Variants in RERE observed in about 807,000 individuals in gnomAD.
RERE encodes arginine-glutamic acid dipeptide repeats.
RERE carries 40 observed loss-of-function variants against 146.1 expected under a neutral mutation model. The ratio of observed to expected loss-of-function variants is 0.27; its 90% CI spans 0.21 to 0.36. The LOEUF (loss-of-function observed/expected upper bound fraction) is 0.36. Ranked by LOEUF, RERE falls within the 10% of genes least tolerant of loss-of-function variation. The pLI is 1.00. For synonymous variants in RERE, 1,003 were observed against 866.0 expected (o/e 1.16, Z -2.78); for missense variants, 1,933 against 2,138.7 (o/e 0.90, Z 1.90).
At chr1:8,671,949 G>C (rs949101998) in intron 1 of RERE, among the ~76,000 whole-genome samples, 22 of 152,078 alleles carry the variant, frequency 1.4e-4, no homozygotes, top group African/African-American at 5.3e-4. Flanking sequence ...ACATCTGTAA[G>C]AGAAAGGGGA....
intron 4 of RERE, among the ~76,000 whole-genome samples, chr1:8,580,649 G>A (rs1243629099): frequency 6.6e-6 from 1 of 152,128 alleles, no homozygotes; most frequent in African/African-American, 2.4e-5. Context: ...ACTCCAGAAA[G>A]TTCTCTCAAG....
chr1:8,648,606 C>A (rs1042744645), intron 2 of RERE, among the ~76,000 whole-genome samples: 1 of 152,162 alleles, frequency 6.6e-6, no homozygotes, highest in Non-Finnish European at 1.5e-5. Context: ...CCTCAGGTTT[C>A]ATTTTGCCTA....
At chr1:8,484,804 T>G (rs1304340807) in intron 10 of RERE, among the ~76,000 whole-genome samples, 1 of 152,232 alleles carries the variant, frequency 6.6e-6, no homozygotes, top group Non-Finnish European at 1.5e-5. Flanking sequence ...CAAAAAGGAA[T>G]ACGCCCAATG....
intron 10 of RERE, among the ~76,000 whole-genome samples, chr1:8,486,239 C>A (rs1223322964): frequency 6.6e-6 from 1 of 152,098 alleles, no homozygotes; most frequent in Non-Finnish European, 1.5e-5. Context: ...CTACAGAGAG[C>A]AAGTTGATGG....
chr1:8,766,546 CAAAAAA>C (rs60530407), intron 1 of RERE, among the ~76,000 whole-genome samples: 1 of 66,022 alleles, frequency 1.5e-5, no homozygotes, highest in Non-Finnish European at 3.3e-5. Context: ...GACTCCATTG[CAAAAAA>C]AAAAAAAAAA....
chr1:8,436,256 T>C (rs1454482850), intron 11 of RERE, among the ~76,000 whole-genome samples: 1 of 152,018 alleles, frequency 6.6e-6, no homozygotes, highest in Non-Finnish European at 1.5e-5. Flanking sequence ...GAGACAGAGG[T>C]TGCAATGAGC....
intron 1 of RERE, among the ~76,000 whole-genome samples, chr1:8,662,856 T>A (rs997937032): frequency 6.6e-6 from 1 of 152,174 alleles, no homozygotes; most frequent in Non-Finnish European, 1.5e-5. Context: ...CCTGTCTGAG[T>A]CGCAGTTTCA....
intron 2 of RERE, among the ~76,000 whole-genome samples, chr1:8,644,030 T>G (rs914789590): frequency 7.9e-5 from 12 of 152,164 alleles, no homozygotes; most frequent in Non-Finnish European, 1.0e-4. Context: ...ACTGTTCTAT[T>G]TACTTACCTA....
intron 1 of RERE, among the ~76,000 whole-genome samples, chr1:8,792,200 G>C (rs1569807748): frequency 6.6e-6 from 1 of 152,134 alleles, no homozygotes; most frequent in African/African-American, 2.4e-5. Flanking sequence ...GTTTATAATT[G>C]AAAGAGTATC....
chr1:8,719,568 G>A (rs560413528), intron 1 of RERE, among the ~76,000 whole-genome samples: 2 of 152,142 alleles, frequency 1.3e-5, no homozygotes, highest in East Asian at 3.9e-4. Flanking sequence ...TAAACATAGA[G>A]GAACAAATGA....
intron 1 of RERE, chr1:8,750,360 T>A: frequency 1.6e-6 from 1 of 630,808 alleles, no homozygotes; most frequent in Non-Finnish European, 2.8e-6. Flanking sequence ...TTCTGCCTCA[T>A]TCAACATCTG....
At chr1:8,454,737 G>A (rs1032457658) in intron 11 of RERE, among the ~76,000 whole-genome samples, 44 of 151,918 alleles carry the variant, frequency 2.9e-4, no homozygotes, top group Admixed American at 4.6e-4. Flanking sequence ...CCTGGGAGGT[G>A]GAGGTTGCAG....
intron 11 of RERE, among the ~76,000 whole-genome samples, chr1:8,448,102 A>T (rs1644344866): frequency 6.6e-6 from 1 of 152,178 alleles, no homozygotes; most frequent in Non-Finnish European, 1.5e-5. Flanking sequence ...CACTGCCATT[A>T]GAACATCATC....
chr1:8,761,434 C>T (rs1242322298), intron 1 of RERE, among the ~76,000 whole-genome samples: 4 of 152,166 alleles, frequency 2.6e-5, no homozygotes, highest in Non-Finnish European at 5.9e-5. Flanking sequence ...CATCTTCTTC[C>T]TCAAATCAGT....
chr1:8,677,423 C>CT (rs1187179746), intron 1 of RERE, among the ~76,000 whole-genome samples: 1 of 62,268 alleles, frequency 1.6e-5, no homozygotes, highest in African/African-American at 8.1e-5. Flanking sequence ...GAGTCTCCGT[C>CT]TCAAAAAAAA....
At chr1:8,587,983 G>A (rs961867814) in intron 4 of RERE, among the ~76,000 whole-genome samples, 3 of 152,134 alleles carry the variant, frequency 2.0e-5, no homozygotes, top group Admixed American at 1.3e-4. Flanking sequence ...AACACTCTGC[G>A]TGCAGATGCC....
At chr1:8,419,677 T>C (rs1643867900) in intron 12 of RERE, among the ~76,000 whole-genome samples, 1 of 152,196 alleles carries the variant, frequency 6.6e-6, no homozygotes, top group Admixed American at 6.5e-5. Context: ...ATGCACTCTT[T>C]ACAAACATTA....
At chr1:8,657,848 A>G (rs2124338189) in intron 1 of RERE, among the ~76,000 whole-genome samples, 1 of 152,350 alleles carries the variant, frequency 6.6e-6, no homozygotes, top group South Asian at 2.1e-4. Flanking sequence ...CTCAATAAAG[A>G]AAAGAAAATG....
chr1:8,417,576 A>G (rs890913967), intron 12 of RERE, among the ~76,000 whole-genome samples: 5 of 152,126 alleles, frequency 3.3e-5, no homozygotes, highest in Non-Finnish European at 7.4e-5. Flanking sequence ...CTTCCCATTA[A>G]CTTTGAACTT....
Sources: gnomAD v4.1 joint callset for allele counts (sites outside exome capture counted in the v4.1 genomes callset) on GRCh38, gnomAD v4.1.1 for gene constraint, MANE v1.5 for transcripts, NCBI Gene and HGNC (gene_info 2026-07-23, HGNC 2026-07-21) for gene names.